PDGFC: variants seen among roughly 807,000 people sequenced by gnomAD.
The protein encoded by PDGFC is platelet derived growth factor C.
Under a neutral mutation model 35.5 loss-of-function variants are expected in PDGFC, and 12 were observed. The observed-to-expected ratio is 0.34, with a 90% CI of 0.22 to 0.55. PDGFC has a LOEUF of 0.55. Ranked by LOEUF, PDGFC falls within the 20% of genes least tolerant of loss-of-function variation. The probability of loss-of-function intolerance (pLI) is 0.91; values close to 1 mark genes in which losing one functional copy is unlikely to be tolerated. For synonymous variants in PDGFC, 159 were observed against 148.8 expected, an observed-to-expected ratio of 1.07 and a Z score of -0.50; for missense variants, 322 against 412.4, an observed-to-expected ratio of 0.78 and a Z score of 1.90.
At chr4:156,822,386 T>C (rs1007066668) in intron 2 of PDGFC, among the ~76,000 whole-genome samples, 1 of 145,664 alleles carries the variant, frequency 6.9e-6, no homozygotes, top group Non-Finnish European at 1.5e-5. Flanking sequence ...AAGTGCATAG[T>C]AATAAATTTA....
intron 2 of PDGFC, among the ~76,000 whole-genome samples, chr4:156,839,395 G>A (rs1729144755): frequency 6.6e-6 from 1 of 152,162 alleles, no homozygotes; most frequent in Non-Finnish European, 1.5e-5. Flanking sequence ...CTGCCCCCAT[G>A]TGAAGAAGGA....
chr4:156,964,474 A>G (rs1216776209), intron 1 of PDGFC, among the ~76,000 whole-genome samples: 2 of 149,326 alleles, frequency 1.3e-5, no homozygotes, highest in East Asian at 2.0e-4. Context: ...TATATACAGT[A>G]TATATATAGT....
chr4:156,884,151 G>A (rs1730320492), intron 1 of PDGFC, among the ~76,000 whole-genome samples: 1 of 152,190 alleles, frequency 6.6e-6, no homozygotes, highest in Non-Finnish European at 1.5e-5. Context: ...GGGAAATGCA[G>A]ACACAGCAAA....
chr4:156,806,277 A>C (rs1397485857), intron 3 of PDGFC, among the ~76,000 whole-genome samples: 1 of 152,082 alleles, frequency 6.6e-6, no homozygotes. Flanking sequence ...CAGGCAAAGA[A>C]AAAGAGGGTA....
chr4:156,776,711 T>C (rs1184373375), intron 3 of PDGFC, among the ~76,000 whole-genome samples: 1 of 152,200 alleles, frequency 6.6e-6, no homozygotes, highest in East Asian at 1.9e-4. Context: ...GTCTTTAAAA[T>C]TCTCTGATGA....
intron 2 of PDGFC, among the ~76,000 whole-genome samples, chr4:156,845,741 T>G (rs1729310743): frequency 6.6e-6 from 1 of 151,874 alleles, no homozygotes; most frequent in African/African-American, 2.4e-5. Flanking sequence ...ATTAAACTGG[T>G]TATAACATCT....
At chr4:156,851,715 G>T (rs570479956) in intron 1 of PDGFC, among the ~76,000 whole-genome samples, 1 of 151,940 alleles carries the variant, frequency 6.6e-6, no homozygotes, top group South Asian at 2.1e-4. Context: ...AGGCCGAGGC[G>T]GGTGGATCAC....
At chr4:156,895,504 T>C (rs527259206) in intron 1 of PDGFC, among the ~76,000 whole-genome samples, 32 of 151,650 alleles carry the variant, frequency 2.1e-4, no homozygotes, top group East Asian at 3.9e-4. Context: ...TTGTGGTGGG[T>C]GCCTGTAATC....
chr4:156,841,971 C>G (rs960604948), intron 2 of PDGFC: 1 of 152,168 alleles, frequency 6.6e-6, no homozygotes, highest in African/African-American at 2.4e-5. Context: ...TGGCATATCT[C>G]TAGCAGAATG....
Position 156,799,628 on chromosome 4 carries a change from C to T in PDGFC, c.495+11209G>A, listed in dbSNP as rs72683336. On this transcript the variant is annotated intron_variant, in intron 3 of 5. Coordinates refer to ENST00000502773, the MANE Select transcript of PDGFC (RefSeq NM_016205.3). ...TCCTATTTCTTAGCTAAATTTTAGC[C>T]TTACAAGGTTCTATAAGAATACAGT... is the stretch of plus-strand genomic sequence containing the variant. 2.0e-3 allele frequency among the ~76,000 whole-genome samples: 305 copies of T among 152,184 alleles called. 2 individuals carry two copies. The highest frequency in any genetic ancestry group is 5.2e-3 in the South Asian group (25 of 4,818).
At chr4:156,937,650 G>C (rs1308271610) in intron 1 of PDGFC, among the ~76,000 whole-genome samples, 3 of 152,162 alleles carry the variant, frequency 2.0e-5, no homozygotes, top group Non-Finnish European at 4.4e-5. Flanking sequence ...GCAGTGAGCT[G>C]TGATCGTGCT....
At chr4:156,946,242 A>G (rs948373164) in intron 1 of PDGFC, among the ~76,000 whole-genome samples, 3 of 152,084 alleles carry the variant, frequency 2.0e-5, no homozygotes, top group East Asian at 3.9e-4. Flanking sequence ...ATGCTGAAAT[A>G]TTTCTTTATC....
At chr4:156,954,309 G>GA (rs1227169925) in intron 1 of PDGFC, among the ~76,000 whole-genome samples, 6 of 151,404 alleles carry the variant, frequency 4.0e-5, no homozygotes, top group Admixed American at 6.6e-5. Context: ...ATTTCCAAGG[G>GA]AAAAAAAACT....
At chr4:156,933,587 T>C (rs2110884268) in intron 1 of PDGFC, among the ~76,000 whole-genome samples, 1 of 152,340 alleles carries the variant, frequency 6.6e-6, no homozygotes, top group South Asian at 2.1e-4. Flanking sequence ...AGCATAGTGC[T>C]GAAGTGCTGT....
At chr4:156,896,980 G>A (rs17231377) in intron 1 of PDGFC, among the ~76,000 whole-genome samples, 90,075 of 152,012 alleles carry the variant, frequency 0.59, 26,848 homozygotes, top group Admixed American at 0.64. Context: ...CATCACTTTT[G>A]GCAGAAATGA....
intron 1 of PDGFC, among the ~76,000 whole-genome samples, chr4:156,927,106 G>A (rs539533994): frequency 2.6e-4 from 39 of 152,272 alleles, no homozygotes; most frequent in Non-Finnish European, 4.6e-4. Context: ...GAAACCATGG[G>A]ACAAGCTGAA....
intron 1 of PDGFC, among the ~76,000 whole-genome samples, chr4:156,922,152 C>A (rs1731297629): frequency 9.2e-6 from 1 of 109,004 alleles, no homozygotes; most frequent in African/African-American, 3.6e-5. Context: ...CACAAGGATT[C>A]ATAGTGTGTG....
chr4:156,785,614 T>A (rs1731101549), intron 3 of PDGFC, among the ~76,000 whole-genome samples: 2 of 152,040 alleles, frequency 1.3e-5, no homozygotes, highest in African/African-American at 4.8e-5. Context: ...GCAGCCAGCA[T>A]CAGATAAAGG....
chr4:156,805,647 G>C (rs987276649), intron 3 of PDGFC, among the ~76,000 whole-genome samples: 1 of 150,496 alleles, frequency 6.6e-6, no homozygotes, highest in Non-Finnish European at 1.5e-5. Flanking sequence ...TTTGAGAGTT[G>C]GTTGGAGTTT....
Sources: gnomAD v4.1 joint callset for allele counts (sites outside exome capture counted in the v4.1 genomes callset) on GRCh38, gnomAD v4.1.1 for gene constraint, MANE v1.5 for transcripts, NCBI Gene and HGNC (gene_info 2026-07-23, HGNC 2026-07-21) for gene names.